The following STAU2 variants were observed in gnomAD, a reference collection of about 807,000 sequenced individuals.
STAU2 encodes the protein staufen double-stranded RNA binding protein 2.
STAU2 carries 20 observed loss-of-function variants against 65.9 expected under a neutral mutation model. The ratio of observed to expected loss-of-function variants is 0.30; its 90% CI spans 0.21 to 0.44. The LOEUF (loss-of-function observed/expected upper bound fraction) is 0.44. Ranked by LOEUF, STAU2 falls within the 20% of genes least tolerant of loss-of-function variation. The probability of loss-of-function intolerance (pLI) is 1.00; values close to 1 mark genes in which losing one functional copy is unlikely to be tolerated. For missense variants in STAU2, 558 were observed against 683.9 expected (o/e 0.82, Z 2.05); for synonymous variants, 232 against 233.9 (o/e 0.99, Z 0.07).
chr8:73,626,201 A>G (rs1813628179), intron 6 of STAU2, among the ~76,000 whole-genome samples: 1 of 152,208 alleles, frequency 6.6e-6, no homozygotes, highest in Non-Finnish European at 1.5e-5. Flanking sequence ...TGACATTTGA[A>G]CACAGATTTG....
intron 6 of STAU2, chr8:73,652,497 G>A (rs1397981787): frequency 1.3e-5 from 2 of 151,954 alleles, no homozygotes; most frequent in African/African-American, 4.8e-5. Context: ...CACGAGATCA[G>A]GAGTTCCAAG....
intron 6 of STAU2, among the ~76,000 whole-genome samples, chr8:73,650,012 C>A (rs554278314): frequency 6.6e-6 from 1 of 150,946 alleles, no homozygotes; most frequent in South Asian, 2.1e-4. Flanking sequence ...GGAAACTGAA[C>A]ATTGATACAA....
intron 4 of STAU2, among the ~76,000 whole-genome samples, chr8:73,703,711 C>A (rs1296323214): frequency 6.6e-6 from 1 of 152,142 alleles, no homozygotes; most frequent in Non-Finnish European, 1.5e-5. Context: ...GGTAGGAGTA[C>A]ATACCACTAT....
intron 13 of STAU2, among the ~76,000 whole-genome samples, chr8:73,547,074 C>G (rs988021243): frequency 6.6e-6 from 1 of 151,832 alleles, no homozygotes; most frequent in African/African-American, 2.4e-5. Flanking sequence ...TCATCTTTTT[C>G]TGTATCATGA....
intron 6 of STAU2, among the ~76,000 whole-genome samples, chr8:73,666,357 C>A (rs10113113): frequency 0.073 from 11,042 of 152,206 alleles, 436 homozygotes; most frequent in Middle Eastern, 0.14. Flanking sequence ...ATAATGCAAT[C>A]AAGTCAATTT....
intron 12 of STAU2, among the ~76,000 whole-genome samples, chr8:73,559,460 A>G (rs994211393): frequency 1.3e-5 from 2 of 152,212 alleles, no homozygotes; most frequent in Non-Finnish European, 2.9e-5. Flanking sequence ...TGCCTAATGC[A>G]CAGGCCCTGG....
At chr8:73,728,882 T>G (rs1163888448) in intron 3 of STAU2, among the ~76,000 whole-genome samples, 2 of 152,188 alleles carry the variant, frequency 1.3e-5, no homozygotes, top group African/African-American at 4.8e-5. Flanking sequence ...GACAGTTTTA[T>G]TTCTTCCTTC....
At chr8:73,735,881 T>C (rs1338828970) in intron 3 of STAU2, among the ~76,000 whole-genome samples, 1 of 152,214 alleles carries the variant, frequency 6.6e-6, no homozygotes, top group African/African-American at 2.4e-5. Context: ...AATGGTCATT[T>C]CCAAATGTCT....
intron 6 of STAU2, among the ~76,000 whole-genome samples, chr8:73,655,218 T>A (rs1586204291): frequency 6.6e-6 from 1 of 152,260 alleles, no homozygotes; most frequent in East Asian, 1.9e-4. Context: ...ATTTTTAAAA[T>A]TTCATTAAGT....
intron 3 of STAU2, among the ~76,000 whole-genome samples, chr8:73,724,682 T>TAC (rs1805500529): frequency 6.8e-6 from 1 of 146,616 alleles, no homozygotes; most frequent in Non-Finnish European, 1.5e-5. Context: ...TGTGTATATA[T>TAC]ATATATATAT....
chr8:73,711,143 A>C (rs1260316146), intron 3 of STAU2, among the ~76,000 whole-genome samples: 2 of 150,100 alleles, frequency 1.3e-5, no homozygotes, highest in Non-Finnish European at 3.0e-5. Context: ...AAAAAAAAAA[A>C]AAAAAAAAAA....
intron 12 of STAU2, among the ~76,000 whole-genome samples, chr8:73,563,550 A>G (rs1381559842): frequency 6.6e-6 from 1 of 152,168 alleles, no homozygotes; most frequent in East Asian, 1.9e-4. Context: ...CTTAGTTGTG[A>G]TATTGTACTA....
intron 13 of STAU2, among the ~76,000 whole-genome samples, chr8:73,481,522 A>AAC (rs1554595594): frequency 7.0e-6 from 1 of 143,796 alleles, no homozygotes; most frequent in Non-Finnish European, 1.5e-5. Flanking sequence ...AAAACAAAAA[A>AAC]AAAAAACACT....
intron 4 of STAU2, among the ~76,000 whole-genome samples, chr8:73,699,860 C>CA (rs201419278): frequency 0.04 from 3,525 of 88,828 alleles, 129 homozygotes; most frequent in African/African-American, 0.098. Flanking sequence ...AAACACACAT[C>CA]AAAAAAAAAA....
upstream of STAU2, chr8:73,747,157 T>G: frequency 2.1e-6 from 1 of 473,214 alleles, no homozygotes; most frequent in East Asian, 3.7e-5. Context: ...GCTGGGCCCC[T>G]GGGCGAGGGC....
intron 12 of STAU2, among the ~76,000 whole-genome samples, chr8:73,562,789 A>G (rs1808321866): frequency 6.6e-6 from 1 of 152,058 alleles, no homozygotes; most frequent in South Asian, 2.1e-4. Context: ...CAATATTATT[A>G]ATAAAAACAA....
chr8:73,522,851 C>T (rs551407601), intron 13 of STAU2, among the ~76,000 whole-genome samples: 2 of 152,274 alleles, frequency 1.3e-5, no homozygotes, highest in East Asian at 1.9e-4. Context: ...GACGTCTTCG[C>T]TAAAGCCAGA....
intron 13 of STAU2, among the ~76,000 whole-genome samples, chr8:73,467,928 T>C (rs1819749147): frequency 6.6e-6 from 1 of 152,196 alleles, no homozygotes; most frequent in Admixed American, 6.5e-5. Context: ...TACCAATGAC[T>C]TTCTTCACAG....
chr8:73,442,577 A>G (rs751795538), intron 13 of STAU2, among the ~76,000 whole-genome samples: 6 of 152,088 alleles, frequency 3.9e-5, no homozygotes, highest in Non-Finnish European at 8.8e-5. Flanking sequence ...ACTCATGGGG[A>G]TATGAGTTAG....
Sources: gnomAD v4.1 joint callset for allele counts (sites outside exome capture counted in the v4.1 genomes callset) on GRCh38, gnomAD v4.1.1 for gene constraint, MANE v1.5 for transcripts, NCBI Gene and HGNC (gene_info 2026-07-23, HGNC 2026-07-21) for gene names.